The following SLC30A7 variants were observed in gnomAD, a reference collection of about 807,000 sequenced individuals.
SLC30A7 encodes solute carrier family 30 member 7.
SLC30A7 carries 35 observed loss-of-function variants against 46.0 expected under a neutral mutation model. That is an observed-to-expected ratio of 0.76 (90% CI 0.58 to 1.01). SLC30A7 has a LOEUF of 1.01. Ranked by LOEUF, SLC30A7 falls within the 50% of genes least tolerant of loss-of-function variation. The pLI is 0.00. For synonymous variants in SLC30A7, 147 were observed against 157.8 expected (o/e 0.93, Z 0.51); for missense variants, 464 against 451.1 (o/e 1.03, Z -0.26).
the SLC30A7 span, chr1:100,992,612 A>C: frequency 2.0e-6 from 3 of 1,534,166 alleles, no homozygotes; most frequent in Non-Finnish European, 2.7e-6. Flanking sequence ...GAATAATATG[A>C]GAGCCCTTCT....
chr1:100,948,825 A>T (rs1654788724), intron 8 of SLC30A7, among the ~76,000 whole-genome samples: 1 of 152,164 alleles, frequency 6.6e-6, no homozygotes, highest in Non-Finnish European at 1.5e-5. Context: ...CACTTGATCA[A>T]ATTGGCTATT....
intron 6 of SLC30A7, among the ~76,000 whole-genome samples, chr1:100,914,787 T>A (rs143102257): frequency 3.2e-4 from 48 of 152,150 alleles, no homozygotes; most frequent in African/African-American, 9.4e-4. Context: ...CCTTGAAGAG[T>A]GAGCCTTCTA....
intron 8 of SLC30A7, among the ~76,000 whole-genome samples, chr1:100,955,757 A>G (rs1480241558): frequency 1.3e-5 from 2 of 152,144 alleles, no homozygotes; most frequent in African/African-American, 2.4e-5. Flanking sequence ...CAATTTTAAA[A>G]GGCAAAAACT....
chr1:100,912,121 G>A lies in SLC30A7; in HGVS notation c.394G>A (p.Ala132Thr). 6.2e-7 allele frequency: 1 copy of A among 1,613,484 alleles called. No homozygotes were observed. Among genetic ancestry groups the A allele is most frequent in the Middle Eastern group, 1.7e-4 (1 of 6,054 alleles). Residue 132 changes from alanine to threonine, a missense_variant, in exon 5 of 11, where the codon GCC becomes ACC. Transcript: ENST00000357650. The part of the protein sequence containing the change: ...IFSEGVERAL[A>T]PPDVHHERLL... ...ATTATGTGTTTTCTAGAGAGCATTA[G>A]CCCCTCCAGATGTCCACCATGAGAG...
At position 100,980,330 on chromosome 1, in the gene SLC30A7, A is replaced by C. The variant is rs971185665; in HGVS notation, c.*5473A>C. The C allele has an allele frequency of 2.6e-5, 4 of 152,128 alleles. No homozygotes were observed. The highest frequency in any genetic ancestry group is 7.2e-5 in the African/African-American group (3 of 41,452). The allele number at this position is 152,128 out of a possible 1,614,324, so 9.4% of individuals were successfully genotyped here. ...TTATACACACCTTTCAAAAGGAAGA[A>C]ATCTGTTTCATAAATAGTAGTAATC... On this transcript the variant is annotated 3_prime_UTR_variant, in exon 11 of 11. Transcript: ENST00000357650.
intron 9 of SLC30A7, among the ~76,000 whole-genome samples, chr1:100,964,570 T>A (rs1272452663): frequency 4.6e-5 from 7 of 152,052 alleles, no homozygotes; most frequent in Admixed American, 4.6e-4. Context: ...TCATCTTCTT[T>A]CTACTGTATC....
chr1:100,918,843 G>A (rs1652762331), intron 7 of SLC30A7, among the ~76,000 whole-genome samples: 1 of 152,108 alleles, frequency 6.6e-6, no homozygotes, highest in Non-Finnish European at 1.5e-5. Context: ...TGCTGTTGCT[G>A]CCCAGCATCA....
intron 2 of SLC30A7, among the ~76,000 whole-genome samples, chr1:100,896,921 G>A (rs1312797550): frequency 6.6e-6 from 1 of 151,998 alleles, no homozygotes; most frequent in Non-Finnish European, 1.5e-5. Context: ...AGACTGACAA[G>A]CCCCTCCTTA....
rs1379423012 is a variant in SLC30A7, at chr1:100,912,161, C to G, written c.434C>G (p.Ser145Cys). ...DVHHERLLLV[S>C]ILGFVVNLIG... is the part of the protein sequence containing the mutation. ...CACCATGAGAGACTGCTTCTTGTTT[C>G]CATTCTTGGGTTTGTGGTAAACCTA... Residue 145 changes from serine (S) to cysteine (C), a missense_variant, in exon 5 of 11, where the codon TCC becomes TGC. Coordinates refer to ENST00000357650, the MANE Select transcript of SLC30A7 (RefSeq NM_133496.5). 3 of 1,613,918 alleles carry G rather than the reference C, an allele frequency of 1.9e-6. No homozygotes were observed. In the South Asian group the frequency reaches 3.3e-5, roughly 18 times the overall value.
At chr1:100,936,653 A>T (rs1247542764) in intron 8 of SLC30A7, among the ~76,000 whole-genome samples, 1 of 152,192 alleles carries the variant, frequency 6.6e-6, no homozygotes, top group Non-Finnish European at 1.5e-5. Context: ...CATTAAGTAC[A>T]GTCACATTGT....
downstream of SLC30A7, among the ~76,000 whole-genome samples, chr1:100,983,406 C>CAAAAAA (rs1320059834): frequency 3.0e-5 from 4 of 135,006 alleles, no homozygotes; most frequent in South Asian, 2.2e-4. Flanking sequence ...CAAAACAAAA[C>CAAAAAA]AAAAAAAACT....
intron 8 of SLC30A7, among the ~76,000 whole-genome samples, chr1:100,957,228 C>G (rs1327953903): frequency 6.6e-6 from 1 of 152,110 alleles, no homozygotes; most frequent in Non-Finnish European, 1.5e-5. Flanking sequence ...CCACCTGGTT[C>G]CAGAAAATCT....
chr1:100,944,000 T>C (rs1457751736), intron 8 of SLC30A7, among the ~76,000 whole-genome samples: 2 of 152,224 alleles, frequency 1.3e-5, no homozygotes, highest in Non-Finnish European at 2.9e-5. Flanking sequence ...TATAGTTACC[T>C]TTTCGGCAGA....
chr1:100,936,366 G>T (rs1330013965), intron 8 of SLC30A7, among the ~76,000 whole-genome samples: 2 of 151,872 alleles, frequency 1.3e-5, no homozygotes, highest in African/African-American at 4.8e-5. Context: ...ATCCCCAAGG[G>T]TATTTTTTTG....
intron 8 of SLC30A7, among the ~76,000 whole-genome samples, chr1:100,946,127 A>G (rs1278308749): frequency 1.3e-5 from 2 of 152,172 alleles, no homozygotes; most frequent in African/African-American, 2.4e-5. Context: ...ATTTTTGCAC[A>G]TTGATTTTGT....
At position 100,913,804 on chromosome 1, in the gene SLC30A7, A is replaced by T; in HGVS notation, c.653A>T (p.His218Leu). The T allele has an allele frequency of 6.2e-7, 1 of 1,613,624 alleles. No homozygotes were observed. Among genetic ancestry groups the T allele is most frequent in the Non-Finnish European group, 8.5e-7 (1 of 1,179,620 alleles). ...CATGGACATGGACACTTTCATTCTC[A>T]TGGTGAGTACAGCCTAGAGACAAAT... ...HAHGHGHFHS[H>L]DGPSLKETTG... The change falls in exon 6 of 11, where the codon CAT becomes CTT. Residue 218 changes from histidine to leucine, a missense_variant and splice_region_variant. By Grantham distance (99) the His-to-Leu change is moderately conservative. Coordinates refer to ENST00000357650, the MANE Select transcript of SLC30A7 (RefSeq NM_133496.5).
At position 100,980,268 on chromosome 1, in the gene SLC30A7, C is replaced by T. The variant is rs999037761; in HGVS notation, c.*5411C>T. The T allele has an allele frequency of 3.9e-5, 6 of 152,000 alleles. No homozygotes were observed. The highest frequency in any genetic ancestry group is 7.4e-5 in the Non-Finnish European group (5 of 67,926). 9.4% of individuals were successfully genotyped at this position (152,000 alleles called of 1,614,324 possible). A position where few individuals can be genotyped will look rare whatever the true frequency, so the allele number is the denominator to read the frequency against. Reference sequence around the variant, plus strand: ...CAAAAGTACAAGTAATTTTGCACTGCAGGAGAAGGATAAGTAGATTTGATT... The same window carrying T: ...CAAAAGTACAAGTAATTTTGCACTGTAGGAGAAGGATAAGTAGATTTGATT... On this transcript the variant is annotated 3_prime_UTR_variant, in exon 11 of 11. Transcript: ENST00000357650.
intron 2 of SLC30A7, 126 bp from the exon 3 acceptor site, chr1:100,906,726 C>G: frequency 1.6e-6 from 1 of 639,266 alleles, no homozygotes; most frequent in Admixed American, 2.6e-5. Context: ...ATCTATATAG[C>G]ATATTTAAAT....
chr1:100,903,024 C>CT (rs1001374715), intron 2 of SLC30A7, among the ~76,000 whole-genome samples: 88 of 152,088 alleles, frequency 5.8e-4, no homozygotes, highest in African/African-American at 2.1e-3. Flanking sequence ...CCTTCTAAAA[C>CT]TGATTACAGT....
Sources: gnomAD v4.1 joint callset for allele counts (sites outside exome capture counted in the v4.1 genomes callset) on GRCh38, gnomAD v4.1.1 for gene constraint, MANE v1.5 for transcripts, NCBI Gene and HGNC (gene_info 2026-07-23, HGNC 2026-07-21) for gene names.